The following ANKFN1 variants were observed in gnomAD, a reference collection of about 807,000 sequenced individuals.
The protein encoded by ANKFN1 is ankyrin repeat and fibronectin type-III domain-containing protein 1.
Under a neutral mutation model 108.7 loss-of-function variants are expected in ANKFN1, and 74 were observed. That is an observed-to-expected ratio of 0.68 (90% CI 0.56 to 0.83). The LOEUF is 0.83. ANKFN1 is among the 40% of genes least tolerant of loss of function. The pLI, the probability that ANKFN1 is intolerant of heterozygous loss-of-function variation, is 0.00. For missense variants in ANKFN1, 1,505 were observed against 1,382.3 expected, an observed-to-expected ratio of 1.09 and a Z score of -1.41; for synonymous variants, 547 against 516.2, an observed-to-expected ratio of 1.06 and a Z score of -0.81.
chr17:56,203,377 A>G (rs1914222760), intron 1 of ANKFN1, among the ~76,000 whole-genome samples: 1 of 152,080 alleles, frequency 6.6e-6, no homozygotes, highest in Non-Finnish European at 1.5e-5. Context: ...ATTCACATCC[A>G]TCGTCAGGTG....
chr17:56,221,913 A>T (rs1464689454), intron 2 of ANKFN1, among the ~76,000 whole-genome samples: 5 of 152,168 alleles, frequency 3.3e-5, no homozygotes, highest in African/African-American at 1.2e-4. Flanking sequence ...GAAACAGGGA[A>T]CACAGGCTCT....
chr17:56,377,448 T>C (rs1014789596), intron 8 of ANKFN1, among the ~76,000 whole-genome samples: 3 of 100,900 alleles, frequency 3.0e-5, no homozygotes, highest in Admixed American at 1.3e-4. Flanking sequence ...ACCCACATGA[T>C]TTTTTCTGAA....
chr17:56,386,911 CATG>C (rs969203474), intron 8 of ANKFN1, among the ~76,000 whole-genome samples: 5 of 151,966 alleles, frequency 3.3e-5, no homozygotes, highest in African/African-American at 7.2e-5. Context: ...TAAATTGTAT[CATG>C]ATTTTACTAT....
intron 8 of ANKFN1, among the ~76,000 whole-genome samples, chr17:56,411,983 G>T (rs1168444455): frequency 3.3e-5 from 5 of 152,040 alleles, no homozygotes; most frequent in Non-Finnish European, 5.9e-5. Context: ...TTGGTATCAG[G>T]GTAATGCTGG....
Position 56,050,317 on chromosome 17 carries a change from G to A in ANKFN1, c.288+3992G>A, listed in dbSNP as rs923537508. On this transcript the variant is annotated intron_variant, in intron 4 of 12. Transcript: ENST00000635860. ...GCCCTTTGTCAGATGAGTAGGTTGC[G>A]GAAATTTTCTCCCATTTTGTAGGTT... Among the ~76,000 whole-genome samples, 17 of 149,314 alleles carry A rather than the reference G, an allele frequency of 1.1e-4. 1 individual carries two copies. The highest frequency in any genetic ancestry group is 6.7e-4 in the Admixed American group (10 of 14,994).
Position 56,407,931 on chromosome 17 carries a change from C to CTTT in ANKFN1, c.911-32375_911-32373dup, listed in dbSNP as rs761975892. Among the ~76,000 whole-genome samples the CTTT allele has an allele frequency of 1.7e-3, 180 of 104,630 alleles. 1 individual carries two copies. Among genetic ancestry groups the CTTT allele is most frequent in the East Asian group, 3.0e-3 (10 of 3,298 alleles). The allele number at this position is 104,630 out of a possible 152,430, so 68.6% of individuals were successfully genotyped here. ...GCTAAATATTTAAAATCTTTTTTAT[C>CTTT]TTTTTTTTTTTTTTTTTTTTTTTGA... On this transcript the variant is annotated intron_variant, in intron 8 of 20. Transcript: ENST00000682825.
intron 7 of ANKFN1, among the ~76,000 whole-genome samples, chr17:56,373,495 C>T (rs1331199928): frequency 1.3e-5 from 2 of 152,206 alleles, no homozygotes; most frequent in East Asian, 3.9e-4. Flanking sequence ...ATTAAACTCT[C>T]ATTCTAGAAG....
At chr17:56,061,890 A>C (rs1261876565) in intron 4 of ANKFN1, among the ~76,000 whole-genome samples, 2 of 152,144 alleles carry the variant, frequency 1.3e-5, no homozygotes, top group East Asian at 3.9e-4. Flanking sequence ...AGTTTCCCTC[A>C]ACACTGCTTT....
intron 15 of ANKFN1, chr17:56,473,546 C>T (rs2145329929): frequency 6.6e-6 from 1 of 151,536 alleles, no homozygotes; most frequent in Admixed American, 6.6e-5. Flanking sequence ...GCCTGTAATC[C>T]CAGCTACTCG....
intron 3 of ANKFN1, among the ~76,000 whole-genome samples, chr17:56,284,869 T>G (rs2044175640): frequency 6.6e-6 from 1 of 152,092 alleles, no homozygotes. Flanking sequence ...AGCACAGCCT[T>G]AGTGAGATGA....
At chr17:56,066,279 T>C (rs143644536) in intron 4 of ANKFN1, among the ~76,000 whole-genome samples, 4 of 152,300 alleles carry the variant, frequency 2.6e-5, no homozygotes, top group South Asian at 4.1e-4. Context: ...TGTACACTTA[T>C]AAGAGAAAGA....
intron 2 of ANKFN1, among the ~76,000 whole-genome samples, chr17:56,213,632 C>T (rs1245245756): frequency 6.6e-6 from 1 of 152,172 alleles, no homozygotes; most frequent in East Asian, 1.9e-4. Flanking sequence ...TACCAGGTGC[C>T]ATCCTAAGTG....
At chr17:56,178,586 T>C (rs1271251329) in intron 1 of ANKFN1, among the ~76,000 whole-genome samples, 3 of 152,020 alleles carry the variant, frequency 2.0e-5, no homozygotes, top group Non-Finnish European at 4.4e-5. Flanking sequence ...TTTTCCCAAA[T>C]CAGACTCTCT....
intron 4 of ANKFN1, among the ~76,000 whole-genome samples, chr17:56,107,566 A>G (rs1323146916): frequency 6.6e-6 from 1 of 152,126 alleles, no homozygotes; most frequent in African/African-American, 2.4e-5. Flanking sequence ...GCTACAGTCA[A>G]AATTCTTTAT....
intron 1 of ANKFN1, among the ~76,000 whole-genome samples, chr17:56,206,135 T>G (rs1365223038): frequency 1.3e-5 from 2 of 152,198 alleles, no homozygotes; most frequent in Non-Finnish European, 2.9e-5. Context: ...ATAAAAAATT[T>G]TGGAGAAAAT....
At chr17:56,094,917 C>T (rs1372263756) in intron 4 of ANKFN1, among the ~76,000 whole-genome samples, 1 of 151,018 alleles carries the variant, frequency 6.6e-6, no homozygotes, top group East Asian at 1.9e-4. Flanking sequence ...CTAGTGAATG[C>T]TGGCTATCAT....
intron 3 of ANKFN1, among the ~76,000 whole-genome samples, chr17:56,271,327 G>T (rs1419063649): frequency 1.3e-5 from 2 of 152,100 alleles, no homozygotes; most frequent in South Asian, 4.1e-4. Flanking sequence ...TCTGTTGGCC[G>T]CCACCAAACT....
At position 56,333,349 on chromosome 17, in the gene ANKFN1, A is replaced by AT. The variant is rs898885182; in HGVS notation, c.188+7001dup. On this transcript the variant is annotated intron_variant, in intron 4 of 20. Coordinates refer to ENST00000682825, the MANE Select transcript of ANKFN1 (RefSeq NM_001370326.1). ...AGAGGTTCCCTTACATTCCTGAAAG[A>AT]TTTTTTTACCATGAATAAATGTTGT... Among the ~76,000 whole-genome samples the AT allele has an allele frequency of 5.3e-5, 8 of 152,158 alleles. No homozygotes were observed. In the East Asian group the frequency reaches 7.7e-4, roughly 15 times the overall value.
At chr17:56,200,551 A>G (rs931069070) in intron 1 of ANKFN1, among the ~76,000 whole-genome samples, 2 of 152,226 alleles carry the variant, frequency 1.3e-5, no homozygotes, top group African/African-American at 4.8e-5. Context: ...CTATTTGAAG[A>G]AGATGCAGCA....
Sources: allele counts gnomAD v4.1 joint callset (sites outside exome capture counted in the v4.1 genomes callset), GRCh38; gene constraint gnomAD v4.1.1; transcripts MANE v1.5; gene names NCBI Gene and HGNC (gene_info 2026-07-23, HGNC 2026-07-21).